Variants in ATRNL1 observed in about 807,000 individuals in gnomAD.
ATRNL1 encodes the protein attractin like 1.
A neutral mutation model predicts 182.7 loss-of-function variants in ATRNL1; 95 were observed. That is an observed-to-expected ratio of 0.52 (90% CI 0.44 to 0.62). The LOEUF is 0.62. ATRNL1 is among the 20% of genes least tolerant of loss of function. The pLI, the probability that ATRNL1 is intolerant of heterozygous loss-of-function variation, is 0.00. For missense variants in ATRNL1, 1,471 were observed against 1,679.5 expected, an observed-to-expected ratio of 0.88 and a Z score of 2.17; for synonymous variants, 576 against 568.3, an observed-to-expected ratio of 1.01 and a Z score of -0.19.
intron 28 of ATRNL1, among the ~76,000 whole-genome samples, chr10:115,926,126 A>G (rs782337181): frequency 6.6e-6 from 1 of 152,226 alleles, no homozygotes; most frequent in Non-Finnish European, 1.5e-5. Context: ...GCACAACTAC[A>G]TGGAAACTAA....
chr10:115,502,958 A>G (rs1849921009), intron 24 of ATRNL1, among the ~76,000 whole-genome samples: 1 of 152,088 alleles, frequency 6.6e-6, no homozygotes, highest in South Asian at 2.1e-4. Context: ...GGCCTTGAGG[A>G]GTTGAATAGC....
chr10:115,194,322 G>A (rs782706176), intron 8 of ATRNL1, among the ~76,000 whole-genome samples: 3 of 151,758 alleles, frequency 2.0e-5, no homozygotes, highest in Non-Finnish European at 1.5e-5. Flanking sequence ...ATTGTTTTGG[G>A]GTCTTCTCTC....
At chr10:115,822,236 A>G (rs1463109728) in intron 27 of ATRNL1, among the ~76,000 whole-genome samples, 1 of 152,186 alleles carries the variant, frequency 6.6e-6, no homozygotes, top group Non-Finnish European at 1.5e-5. Context: ...ACCAATGAGA[A>G]CAAGAACACA....
chr10:115,705,481 ACTCTAAATCTGTT>A (rs1205528052), intron 26 of ATRNL1, among the ~76,000 whole-genome samples: 4 of 151,896 alleles, frequency 2.6e-5, no homozygotes, highest in African/African-American at 9.7e-5. Context: ...GCCTCATTTT[ACTCTAAATCTGTT>A]CTCTACTACA....
chr10:115,883,242 TA>T (rs1209108433), intron 28 of ATRNL1, among the ~76,000 whole-genome samples: 1 of 152,216 alleles, frequency 6.6e-6, no homozygotes, highest in African/African-American at 2.4e-5. Flanking sequence ...GAATAAGTTA[TA>T]TTTCTTCCCC....
At chr10:115,443,617 G>A (rs1846810349) in intron 21 of ATRNL1, among the ~76,000 whole-genome samples, 1 of 151,832 alleles carries the variant, frequency 6.6e-6, no homozygotes, top group South Asian at 2.1e-4. Flanking sequence ...TTAGCATTCT[G>A]TAACTTTTTT....
intron 26 of ATRNL1, among the ~76,000 whole-genome samples, chr10:115,603,715 G>T (rs1856734408): frequency 6.6e-6 from 1 of 152,044 alleles, no homozygotes; most frequent in Non-Finnish European, 1.5e-5. Flanking sequence ...AAAAAGTTTT[G>T]ATATTTATCT....
intron 10 of ATRNL1, among the ~76,000 whole-genome samples, chr10:115,264,665 T>C (rs1188864303): frequency 6.6e-6 from 1 of 151,602 alleles, no homozygotes; most frequent in Non-Finnish European, 1.5e-5. Context: ...AGTTTTGCAG[T>C]TAAAATAATT....
chr10:115,519,403 G>T, intron 25 of ATRNL1, 79 bp downstream of exon 25: 3 of 1,201,038 alleles, frequency 2.5e-6, no homozygotes, highest in South Asian at 2.6e-5. Flanking sequence ...TTAGATAATC[G>T]ACCAATTCTA....
At chr10:115,593,465 C>A (rs1856037629) in intron 26 of ATRNL1, among the ~76,000 whole-genome samples, 2 of 152,122 alleles carry the variant, frequency 1.3e-5, no homozygotes, top group African/African-American at 4.8e-5. Context: ...TGATCTTTGG[C>A]AAAGGTGACA....
intron 26 of ATRNL1, among the ~76,000 whole-genome samples, chr10:115,670,603 CTT>C (rs1945667806): frequency 6.6e-6 from 1 of 152,118 alleles, no homozygotes; most frequent in Admixed American, 6.6e-5. Context: ...CAAGTAGTCT[CTT>C]TGAAATCAGC....
At chr10:115,912,871 A>G (rs1162032588) in intron 28 of ATRNL1, among the ~76,000 whole-genome samples, 4 of 152,150 alleles carry the variant, frequency 2.6e-5, no homozygotes, top group Non-Finnish European at 5.9e-5. Context: ...CAAGGCAGGG[A>G]GGGAGCATGG....
At position 115,363,755 on chromosome 10, in the gene ATRNL1, G is replaced by T. The variant is rs1445328566; in HGVS notation, c.3175+29336G>T. ...TACATATGGCTAGCCAGTTTTCCCA[G>T]AACCATTTAGTAAATAGGGAATCCT... On this transcript the variant is annotated intron_variant, in intron 19 of 28. Coordinates refer to ENST00000355044, the MANE Select transcript of ATRNL1 (RefSeq NM_207303.4). Among the ~76,000 whole-genome samples, 4 of 151,008 alleles carry T rather than the reference G, an allele frequency of 2.6e-5. No individual in the cohort carries two copies. In the South Asian group the frequency reaches 8.4e-4, roughly 32 times the overall value.
At chr10:115,923,115 G>A (rs7083759) in intron 28 of ATRNL1, among the ~76,000 whole-genome samples, 14,880 of 152,156 alleles carry the variant, frequency 0.098, 2,171 homozygotes, top group African/African-American at 0.32. Flanking sequence ...CTGAAGGATT[G>A]CAGTGTTTCT....
intron 26 of ATRNL1, among the ~76,000 whole-genome samples, chr10:115,624,793 A>C (rs1000493098): frequency 2.6e-5 from 4 of 152,168 alleles, no homozygotes; most frequent in African/African-American, 9.7e-5. Flanking sequence ...TCCTATATAA[A>C]ATAATTAGGG....
chr10:115,914,912 C>T (rs1952797744), intron 28 of ATRNL1, among the ~76,000 whole-genome samples: 1 of 152,086 alleles, frequency 6.6e-6, no homozygotes, highest in African/African-American at 2.4e-5. Context: ...TGACATCACA[C>T]TCCACTGTTG....
intron 28 of ATRNL1, among the ~76,000 whole-genome samples, chr10:115,891,345 T>C (rs189510599): frequency 9.6e-4 from 146 of 152,308 alleles, no homozygotes; most frequent in Admixed American, 2.0e-3. Flanking sequence ...TGCCTATGCC[T>C]GTGAACTTCA....
chr10:115,196,306 A>G (rs559993941), intron 8 of ATRNL1, among the ~76,000 whole-genome samples: 84 of 152,224 alleles, frequency 5.5e-4, no homozygotes, highest in Admixed American at 2.1e-3. Context: ...CCATTGATGT[A>G]TATTATGGTT....
chr10:115,849,137 C>A (rs1950996279), intron 28 of ATRNL1, among the ~76,000 whole-genome samples: 1 of 152,088 alleles, frequency 6.6e-6, no homozygotes, highest in African/African-American at 2.4e-5. Flanking sequence ...ATTCATGGTA[C>A]CTGATGATAT....
Sources: allele counts gnomAD v4.1 joint callset (sites outside exome capture counted in the v4.1 genomes callset), GRCh38; gene constraint gnomAD v4.1.1; transcripts MANE v1.5; gene names NCBI Gene and HGNC (gene_info 2026-07-23, HGNC 2026-07-21).